CCSER2: variants seen among roughly 807,000 people sequenced by gnomAD.
CCSER2 encodes the protein serine-rich coiled-coil domain-containing protein 2.
Under a neutral mutation model 92.3 loss-of-function variants are expected in CCSER2, and 46 were observed. The observed-to-expected ratio is 0.50, with a 90% CI of 0.39 to 0.64. CCSER2 has a LOEUF of 0.64. Among genes scored for constraint, CCSER2 ranks in the 30% least tolerant of loss-of-function variants. The pLI is 0.00. For synonymous variants in CCSER2, 433 were observed against 431.4 expected, an observed-to-expected ratio of 1.00 and a Z score of -0.04; for missense variants, 1,244 against 1,238.9, an observed-to-expected ratio of 1.00 and a Z score of -0.06.
chr10:84,336,892 T>C (rs1345063946), intron 1 of CCSER2, among the ~76,000 whole-genome samples: 1 of 152,212 alleles, frequency 6.6e-6, no homozygotes, highest in East Asian at 1.9e-4. Context: ...ACATTTTGTA[T>C]ACATTTTGAA....
At chr10:84,457,355 ATATATT>A (rs1218810176) in intron 6 of CCSER2, among the ~76,000 whole-genome samples, 4 of 65,696 alleles carry the variant, frequency 6.1e-5, no homozygotes, top group East Asian at 1.1e-3. Context: ...TATATAATAT[ATATATT>A]TATTTTAAAT....
chr10:84,399,314 A>C (rs948770891), intron 3 of CCSER2, among the ~76,000 whole-genome samples: 2 of 152,034 alleles, frequency 1.3e-5, no homozygotes, highest in African/African-American at 4.8e-5. Flanking sequence ...GAGTTATTTC[A>C]CTTATAATAA....
In CCSER2 at chr10:84,371,390, G is replaced by T. The variant is rs1433556123; in HGVS notation, c.338G>T (p.Gly113Val). 1 of 1,613,456 alleles carries T rather than the reference G, an allele frequency of 6.2e-7. No individual in the cohort carries two copies. The highest frequency in any genetic ancestry group is 1.7e-5 in the Admixed American group (1 of 59,888). ...TTTGATAAAAATGGGATAAAGGGAG[G>T]TTTGAAAAGTGTTTCTTTATTCACA... ...GMFDKNGIKG[G>V]LKSVSLFTSK... Residue 113 changes from glycine (G) to valine (V), a missense_variant, in exon 2 of 10, where the codon GGT (glycine) becomes GTT (valine). Transcript: ENST00000372088.
intron 1 of CCSER2, among the ~76,000 whole-genome samples, chr10:84,356,497 G>A (rs71503813): frequency 1.5e-3 from 225 of 152,144 alleles, no homozygotes; most frequent in Non-Finnish European, 2.2e-3. Context: ...CTAAAACTGC[G>A]CTATACTCTA....
At chr10:84,381,917 CA>C (rs544545707) in intron 3 of CCSER2, among the ~76,000 whole-genome samples, 17,066 of 119,832 alleles carry the variant, frequency 0.14, 1,034 homozygotes, top group Admixed American at 0.24. Context: ...AAGGCTTTCT[CA>C]AAAAAAAAAA....
chr10:84,484,780 A>G (rs532814625), intron 9 of CCSER2, among the ~76,000 whole-genome samples: 1 of 152,354 alleles, frequency 6.6e-6, no homozygotes, highest in Non-Finnish European at 1.5e-5. Flanking sequence ...ATTGTGTGGC[A>G]TGCAGAATTT....
At chr10:84,337,238 G>A (rs911168818) in intron 1 of CCSER2, among the ~76,000 whole-genome samples, 2 of 152,198 alleles carry the variant, frequency 1.3e-5, no homozygotes, top group East Asian at 1.9e-4. Context: ...AGTCCCACAA[G>A]TTAGCCTTGG....
chr10:84,384,214 A>G (rs139442290), intron 3 of CCSER2, among the ~76,000 whole-genome samples: 9 of 152,342 alleles, frequency 5.9e-5, no homozygotes, highest in Admixed American at 1.3e-4. Context: ...GCTGGCATCA[A>G]TCTTACTGAA....
intron 5 of CCSER2, among the ~76,000 whole-genome samples, chr10:84,438,183 G>T (rs890457683): frequency 6.6e-6 from 1 of 152,170 alleles, no homozygotes; most frequent in East Asian, 1.9e-4. Context: ...ATGAACAACA[G>T]TCAGTGCAGA....
At chr10:84,450,810 T>TAATTAA (rs1845233788) in intron 6 of CCSER2, among the ~76,000 whole-genome samples, 1 of 152,214 alleles carries the variant, frequency 6.6e-6, no homozygotes. Flanking sequence ...AATATACATG[T>TAATTAA]ATTAAATTAA....
At chr10:84,361,865 C>T (rs1214202817) in intron 1 of CCSER2, among the ~76,000 whole-genome samples, 1 of 152,070 alleles carries the variant, frequency 6.6e-6, no homozygotes, top group Non-Finnish European at 1.5e-5. Context: ...GTCTTGAACT[C>T]CCGACCTCAG....
At chr10:84,336,293 A>T (rs1176271229) in intron 1 of CCSER2, among the ~76,000 whole-genome samples, 1 of 152,232 alleles carries the variant, frequency 6.6e-6, no homozygotes, top group Non-Finnish European at 1.5e-5. Flanking sequence ...TAGTTCAGTC[A>T]ACAAAACAAA....
chr10:84,406,103 C>T (rs1235176941), intron 3 of CCSER2, among the ~76,000 whole-genome samples: 3 of 152,182 alleles, frequency 2.0e-5, no homozygotes, highest in Non-Finnish European at 4.4e-5. Context: ...GAATAGTACT[C>T]AGCAGTAAAA....
chr10:84,329,798 G>A (rs187162380), intron 1 of CCSER2, among the ~76,000 whole-genome samples: 31 of 152,306 alleles, frequency 2.0e-4, no homozygotes, highest in African/African-American at 6.5e-4. Context: ...AAATATTCCT[G>A]AGTGTTTGCC....
At chr10:84,447,140 A>T (rs1589690073) in intron 6 of CCSER2, among the ~76,000 whole-genome samples, 1 of 152,034 alleles carries the variant, frequency 6.6e-6, no homozygotes, top group Admixed American at 6.6e-5. Context: ...CTGAGTCCTG[A>T]AGCATGGAAA....
At chr10:84,370,924 G>A (rs745579539) in intron 1 of CCSER2, 90 bp from the exon 2 acceptor site, 25 of 573,812 alleles carry the variant, frequency 4.4e-5, no homozygotes, top group Non-Finnish European at 5.8e-5. Context: ...GTTTTTCTGC[G>A]TATAAAAGTG....
chr10:84,411,125 A>G (rs183256786), intron 3 of CCSER2, among the ~76,000 whole-genome samples: 34 of 152,158 alleles, frequency 2.2e-4, no homozygotes, highest in African/African-American at 7.5e-4. Flanking sequence ...TGGTCTATGT[A>G]TCTATTCTTA....
At chr10:84,513,300 A>G (rs1849461671) in intron 9 of CCSER2, 149 bp from the exon 10 acceptor site, 1 of 623,050 alleles carries the variant, frequency 1.6e-6, no homozygotes, top group African/African-American at 1.8e-5. Flanking sequence ...TTGCTTGAAT[A>G]TTGCAGTTCA....
At position 84,392,316 on chromosome 10, in the gene CCSER2, CAAAAAAA is replaced by C. The variant is rs71473611; in HGVS notation, c.1614+18520_1614+18526del. 4.1e-4 allele frequency among the ~76,000 whole-genome samples: 22 copies of C among 53,852 alleles called. No individual in the cohort carries two copies. The South Asian group carries it at 5.6e-3, about 14-fold the overall frequency. 35.3% of individuals were successfully genotyped at this position (53,852 alleles called of 152,430 possible). ...CAACTCTGCACTGGATCTGAAGAAG[CAAAAAAA>C]AAAAAAAAAAAAAAAAAATCTGTTC... On this transcript the variant is annotated intron_variant, in intron 3 of 9. Coordinates refer to ENST00000372088, the MANE Select transcript of CCSER2 (RefSeq NM_001284240.2).
Sources: gnomAD v4.1 joint callset for allele counts (sites outside exome capture counted in the v4.1 genomes callset) on GRCh38, gnomAD v4.1.1 for gene constraint, MANE v1.5 for transcripts, NCBI Gene and HGNC (gene_info 2026-07-23, HGNC 2026-07-21) for gene names.